Variants in DYNLL1 observed in about 807,000 individuals in gnomAD.
DYNLL1 encodes dynein light chain 1, cytoplasmic.
In DYNLL1, 3 loss-of-function variants were observed where a neutral mutation model predicts 10.1. The observed-to-expected ratio is 0.30, with a 90% confidence interval of 0.14 to 0.77. The LOEUF (loss-of-function observed/expected upper bound fraction) is 0.77, where lower values mean the gene tolerates loss of function less well. DYNLL1 is among the 30% of genes least tolerant of loss of function. DYNLL1 has a pLI of 0.66. For synonymous variants in DYNLL1, 46 were observed against 41.2 expected, an observed-to-expected ratio of 1.12 and a Z score of -0.45; for missense variants, 47 against 111.7, an observed-to-expected ratio of 0.42 and a Z score of 2.61.
intron 1 of DYNLL1, chr12:120,490,405 A>T (rs1021128349): frequency 1.3e-5 from 2 of 152,244 alleles, no homozygotes; most frequent in African/African-American, 2.4e-5. Flanking sequence ...TTAAAGAGTG[A>T]CACTGAGGTC....
Position 120,496,232 on chromosome 12 carries a change from G to T in DYNLL1, c.-7+16G>T, listed in dbSNP as rs1330746790. On this transcript the variant is annotated intron_variant, in intron 1 of 2. Transcript: ENST00000242577. ...CTTCTCCACGGTGAGAAACTCGGGG[G>T]GCCAGGGGGTGTCCTCGCTGCCTTA... The T allele has an allele frequency of 2.4e-6, 2 of 825,450 alleles. No homozygotes were observed. Among genetic ancestry groups the T allele is most frequent in the Non-Finnish European group, 3.8e-6 (2 of 530,890 alleles). The allele number at this position is 825,450 out of a possible 1,614,324, so 51.1% of individuals were successfully genotyped here.
chr12:120,495,616 C>A (rs964154760), upstream of DYNLL1, among the ~76,000 whole-genome samples: 4 of 147,276 alleles, frequency 2.7e-5, no homozygotes, highest in African/African-American at 1.0e-4. Flanking sequence ...TCAGAGATAC[C>A]CTTTCAGTAA....
chr12:120,494,125 ACTTGTTGT>A (rs1464128413), upstream of DYNLL1, among the ~76,000 whole-genome samples: 1 of 151,964 alleles, frequency 6.6e-6, no homozygotes, highest in East Asian at 1.9e-4. Flanking sequence ...CAGGGTCCTC[ACTTGTTGT>A]CAACCTATTT....
chr12:120,496,049 C>T (rs1868372196), upstream of DYNLL1: 1 of 362,342 alleles, frequency 2.8e-6, no homozygotes, highest in Non-Finnish European at 5.1e-6. Flanking sequence ...CGGCGAGGGG[C>T]GGGGCCGGCG....
chr12:120,498,011 C>G, intron 2 of DYNLL1, 62 bp from the exon 3 acceptor site: 1 of 1,537,916 alleles, frequency 6.5e-7, no homozygotes, highest in Non-Finnish European at 8.8e-7. Flanking sequence ...CTGGCTTATC[C>G]AAGAGGCAAA....
chr12:120,496,740 A>G, intron 2 of DYNLL1, 187 bp downstream of exon 2: 2 of 710,230 alleles, frequency 2.8e-6, no homozygotes, highest in East Asian at 3.0e-5. Flanking sequence ...CGGCGTCCGA[A>G]GTTTTTTTTT....
intron 1 of DYNLL1, among the ~76,000 whole-genome samples, chr12:120,484,250 G>A (rs1311807716): frequency 6.6e-6 from 1 of 151,006 alleles, no homozygotes; most frequent in African/African-American, 2.4e-5. Flanking sequence ...GGAATGAGAG[G>A]AGATGGACCC....
intron 1 of DYNLL1, among the ~76,000 whole-genome samples, chr12:120,470,617 CTAGTT>C (rs1005020160): frequency 1.1e-4 from 16 of 152,156 alleles, no homozygotes; most frequent in Non-Finnish European, 2.1e-4. Context: ...CTGCGTCCAG[CTAGTT>C]TATTTTCTAT....
chr12:120,469,921 G>T (rs1033562151), exon 1 of DYNLL1: 17 of 204,522 alleles, frequency 8.3e-5, no homozygotes, highest in Non-Finnish European at 1.4e-4. Context: ...CGGCTGAGGC[G>T]CTGGACAAGT....
intron 1 of DYNLL1, among the ~76,000 whole-genome samples, chr12:120,481,188 C>T (rs1878872902): frequency 6.6e-6 from 1 of 152,200 alleles, no homozygotes; most frequent in Non-Finnish European, 1.5e-5. Context: ...CTATTTCTGA[C>T]ACCAAATGTG....
At chr12:120,491,366 T>TAGGCCTTGCAA (rs1879123664), upstream of DYNLL1, 1 of 152,170 alleles carries the variant, frequency 6.6e-6, no homozygotes, top group Non-Finnish European at 1.5e-5. Context: ...GTGCCAGCCC[T>TAGGCCTTGCAA]TCTCCATGGG....
intron 2 of DYNLL1, 67 bp downstream of exon 2, chr12:120,496,620 T>C (rs1014297500): frequency 2.2e-5 from 36 of 1,613,166 alleles, no homozygotes; most frequent in Non-Finnish European, 2.9e-5. Context: ...GATCCTGCTT[T>C]CCTAAGGGCG....
At chr12:120,496,253 C>G in intron 1 of DYNLL1, 37 bp downstream of exon 1, 5 of 1,036,294 alleles carry the variant, frequency 4.8e-6, no homozygotes, top group South Asian at 1.6e-5. Flanking sequence ...GTCCTCGCTG[C>G]CTTATTTCGC....
Position 120,488,961 on chromosome 12 carries a change from G to A in DYNLL1, c.-6-7455G>A, listed in dbSNP as rs79251946. 2.2e-4 allele frequency among the ~76,000 whole-genome samples: 33 copies of A among 152,252 alleles called. No individual in the cohort carries two copies. In the South Asian group the frequency reaches 2.9e-3, roughly 13 times the overall value. The stretch of plus-strand genomic sequence containing the variant: ...AAGGACTAAGTGACTAAAAGACAGG[G>A]TAGGAACTCAAGGCTCATCCTCTAC... On this transcript the variant is annotated intron_variant, in intron 1 of 2. Coordinates refer to the DYNLL1 transcript ENST00000392509.
At chr12:120,472,323 A>AT (rs1878668332) in intron 1 of DYNLL1, among the ~76,000 whole-genome samples, 1 of 152,252 alleles carries the variant, frequency 6.6e-6, no homozygotes, top group Non-Finnish European at 1.5e-5. Context: ...AATAAAACAT[A>AT]ATAAATGATT....
At chr12:120,473,678 C>T (rs376696304) in intron 1 of DYNLL1, among the ~76,000 whole-genome samples, 1 of 141,890 alleles carries the variant, frequency 7.0e-6, no homozygotes, top group Non-Finnish European at 1.5e-5. Context: ...CTGGTCAACA[C>T]CGAGACTCTG....
intron 1 of DYNLL1, among the ~76,000 whole-genome samples, chr12:120,489,013 TTAAG>T (rs1257415161): frequency 2.0e-5 from 3 of 151,948 alleles, no homozygotes; most frequent in Admixed American, 1.3e-4. Flanking sequence ...GGCAGGAAAA[TTAAG>T]TAAGTAATAG....
intron 2 of DYNLL1, chr12:120,497,714 G>A (rs1164281380): frequency 5.6e-6 from 1 of 178,022 alleles, no homozygotes; most frequent in East Asian, 1.6e-4. Flanking sequence ...ATACAGTAGG[G>A]TAGTTTAGTT....
chr12:120,483,377 G>A (rs906610737), intron 1 of DYNLL1, among the ~76,000 whole-genome samples: 2 of 151,844 alleles, frequency 1.3e-5, no homozygotes, highest in African/African-American at 4.8e-5. Flanking sequence ...CGAAGGTGGT[G>A]AGATATATTT....
Sources: gnomAD v4.1 joint callset for allele counts (sites outside exome capture counted in the v4.1 genomes callset) on GRCh38, gnomAD v4.1.1 for gene constraint, MANE v1.5 for transcripts, NCBI Gene and HGNC (gene_info 2026-07-23, HGNC 2026-07-21) for gene names.